The following NFAM1 variants were observed in gnomAD, a reference collection of about 807,000 sequenced individuals.
NFAM1 encodes NFAT activation molecule 1.
A neutral mutation model predicts 29.0 loss-of-function variants in NFAM1; 17 were observed. The ratio of observed to expected loss-of-function variants is 0.59; its 90% CI spans 0.40 to 0.88. The LOEUF is 0.88. Among genes scored for constraint, NFAM1 ranks in the 40% least tolerant of loss-of-function variants. NFAM1 has a pLI of 0.00. For missense variants in NFAM1, 324 were observed against 344.6 expected, an observed-to-expected ratio of 0.94 and a Z score of 0.47; for synonymous variants, 175 against 147.2, an observed-to-expected ratio of 1.19 and a Z score of -1.36.
chr22:42,437,350 C>T (rs1930966468), upstream of NFAM1, among the ~76,000 whole-genome samples: 1 of 152,050 alleles, frequency 6.6e-6, no homozygotes, highest in Admixed American at 6.6e-5. Flanking sequence ...ACCATGTTGG[C>T]CAGGCTGGTC....
intron 1 of NFAM1, among the ~76,000 whole-genome samples, chr22:42,427,319 G>A (rs550452673): frequency 6.6e-6 from 1 of 152,132 alleles, no homozygotes; most frequent in South Asian, 2.1e-4. Flanking sequence ...CCCTACCAAC[G>A]CTGGAGAGGA....
At chr22:42,433,381 G>A (rs2146564535), upstream of NFAM1, among the ~76,000 whole-genome samples, 1 of 152,286 alleles carries the variant, frequency 6.6e-6, no homozygotes, top group East Asian at 1.9e-4. Flanking sequence ...TAAATGTGAT[G>A]ATCCCAGTTG....
At position 42,411,449 on chromosome 22, in the gene NFAM1, G is replaced by A. The variant is rs34296033; in HGVS notation, c.409C>T (p.His137Tyr). Residue 137 changes from histidine to tyrosine, a missense_variant, in exon 2 of 6, where the codon CAC becomes TAC. His to Tyr is a moderately conservative substitution (Grantham distance 83, BLOSUM62 2). Coordinates refer to ENST00000329021, the MANE Select transcript of NFAM1 (RefSeq NM_145912.8). ...GTYYCSVHWP[H>Y]STVRGSGTFI... ...GTGCCGCTGCCTCTCACCGTGGAGT[G>A]TGGCCAGTGGACAGAGCAGTAGTAG... 2.0e-3 allele frequency: 3,225 copies of A among 1,614,180 alleles called. 53 individuals are homozygous for A. In the African/African-American group the frequency reaches 0.037, roughly 19 times the overall value.
At chr22:42,385,837 G>A (rs1174643660) in intron 5 of NFAM1, among the ~76,000 whole-genome samples, 3 of 152,168 alleles carry the variant, frequency 2.0e-5, no homozygotes, top group Admixed American at 6.5e-5. Flanking sequence ...TTTGAGAACA[G>A]GCGATTTAAC....
At chr22:42,421,124 G>A (rs2146549563) in intron 1 of NFAM1, among the ~76,000 whole-genome samples, 1 of 152,280 alleles carries the variant, frequency 6.6e-6, no homozygotes, top group Non-Finnish European at 1.5e-5. Context: ...GGAAAGGAAT[G>A]CACCGTGGAA....
chr22:42,418,647 C>T (rs1033774969), intron 1 of NFAM1, among the ~76,000 whole-genome samples: 31 of 151,504 alleles, frequency 2.0e-4, no homozygotes, highest in Admixed American at 1.7e-3. Context: ...GAGCCGAGAT[C>T]GCACTGCTAC....
chr22:42,437,138 TGTC>T, upstream of NFAM1: 3 of 275,138 alleles, frequency 1.1e-5, no homozygotes, highest in Non-Finnish European at 1.6e-5. Context: ...TTTTTCTTTT[TGTC>T]TTTTTTTTTT....
rs1041905425 is a variant in NFAM1 at position 42,409,759 on chromosome 22, AG to A, written c.452-213del. ...CACTGCCTTGCTTCTCTGTAAGGAC[AG>A]GGGCCATTTGCTCTTCCGGTGCCCC... On this transcript the variant is annotated intron_variant, in intron 2 of 5. Transcript: ENST00000329021. This position sits in a 1 kb window ranked among gnomAD's most constrained non-coding sequence, Gnocchi z 4.9. Among the ~76,000 whole-genome samples, 9 of 152,166 alleles carry A rather than the reference AG, an allele frequency of 5.9e-5. No homozygotes were observed. The highest frequency in any genetic ancestry group is 1.3e-4 in the Non-Finnish European group (9 of 68,010).
intron 3 of NFAM1, among the ~76,000 whole-genome samples, chr22:42,408,490 G>C (rs1260865628): frequency 6.6e-6 from 1 of 152,216 alleles, no homozygotes; most frequent in Admixed American, 6.5e-5. Flanking sequence ...TGGAGCAGTA[G>C]CCTGAGCTGC....
At chr22:42,405,816 G>C (rs1375800032) in intron 3 of NFAM1, among the ~76,000 whole-genome samples, 1 of 152,190 alleles carries the variant, frequency 6.6e-6, no homozygotes, top group East Asian at 1.9e-4. Context: ...AACAGGGCAA[G>C]GTCAAAGTAG....
chr22:42,399,373 G>C (rs1188045487), intron 3 of NFAM1, among the ~76,000 whole-genome samples: 1 of 151,336 alleles, frequency 6.6e-6, no homozygotes, highest in African/African-American at 2.4e-5. Flanking sequence ...CTTGAACCCA[G>C]GGGGCGGAGG....
At chr22:42,399,446 CAAAA>C (rs71311432) in intron 3 of NFAM1, among the ~76,000 whole-genome samples, 4 of 66,926 alleles carry the variant, frequency 6.0e-5, no homozygotes, top group Admixed American at 1.8e-4. Flanking sequence ...GATCCCATCT[CAAAA>C]AAAAAAAAAA....
chr22:42,424,773 G>A (rs984504705), intron 1 of NFAM1, among the ~76,000 whole-genome samples: 2 of 152,072 alleles, frequency 1.3e-5, no homozygotes, highest in African/African-American at 4.8e-5. Context: ...CCTCAGAGGT[G>A]GGGAGCAGCT....
intron 3 of NFAM1, among the ~76,000 whole-genome samples, chr22:42,402,861 A>T (rs1601744803): frequency 3.8e-5 from 3 of 78,976 alleles, no homozygotes; most frequent in Non-Finnish European, 4.5e-5. Flanking sequence ...TTTGAGATGG[A>T]GTTTTGCTCT....
chr22:42,395,217 T>C (rs1569226928), intron 4 of NFAM1, among the ~76,000 whole-genome samples: 1 of 151,392 alleles, frequency 6.6e-6, no homozygotes, highest in Admixed American at 6.6e-5. Context: ...CTCACGCCTG[T>C]AATCCCAGCA....
chr22:42,423,946 CTGACCTCA>C (rs1297365026), intron 1 of NFAM1, among the ~76,000 whole-genome samples: 1 of 152,012 alleles, frequency 6.6e-6, no homozygotes, highest in Non-Finnish European at 1.5e-5. Flanking sequence ...TCTTGAACTC[CTGACCTCA>C]TGACCTCACC....
intron 3 of NFAM1, among the ~76,000 whole-genome samples, chr22:42,403,149 T>G (rs1189095282): frequency 6.6e-6 from 1 of 152,004 alleles, no homozygotes; most frequent in Non-Finnish European, 1.5e-5. Context: ...CTCTGTGCCT[T>G]CTACAACCCC....
intron 1 of NFAM1, among the ~76,000 whole-genome samples, chr22:42,422,059 T>C (rs1008704428): frequency 6.6e-6 from 1 of 152,210 alleles, no homozygotes; most frequent in Non-Finnish European, 1.5e-5. Flanking sequence ...TTTAGCACCG[T>C]TGCCTTTGGA....
At chr22:42,396,388 T>C (rs1929525804) in intron 4 of NFAM1, among the ~76,000 whole-genome samples, 1 of 152,182 alleles carries the variant, frequency 6.6e-6, no homozygotes, top group Non-Finnish European at 1.5e-5. Context: ...TCTTTGTATA[T>C]ATTTATAGAA....
Sources: allele counts gnomAD v4.1 joint callset (sites outside exome capture counted in the v4.1 genomes callset), GRCh38; gene constraint gnomAD v4.1.1; non-coding constraint Gnocchi (gnomAD v3.1); transcripts MANE v1.5; gene names NCBI Gene and HGNC (gene_info 2026-07-23, HGNC 2026-07-21).